Variants in CNTNAP2 observed in about 807,000 individuals in gnomAD.
CNTNAP2 encodes the protein contactin associated protein 2, also known as contactin-associated protein-like 2.
In CNTNAP2, 98 loss-of-function variants were observed where a neutral mutation model predicts 155.2. That is an observed-to-expected ratio of 0.63 (90% CI 0.54 to 0.75). The LOEUF (loss-of-function observed/expected upper bound fraction) is 0.75, where lower values mean the gene tolerates loss of function less well. Among genes scored for constraint, CNTNAP2 ranks in the 30% least tolerant of loss-of-function variants. CNTNAP2 has a pLI of 0.00. For missense variants in CNTNAP2, 1,727 were observed against 1,688.1 expected (o/e 1.02, Z -0.40); for synonymous variants, 651 against 631.2 (o/e 1.03, Z -0.47).
intron 1 of CNTNAP2, among the ~76,000 whole-genome samples, chr7:146,299,852 G>T (rs1027635260): frequency 6.6e-6 from 1 of 152,142 alleles, no homozygotes; most frequent in African/African-American, 2.4e-5. Context: ...TTGAAGGTAG[G>T]TGTAAGATTA....
At chr7:147,008,093 G>A (rs1008818440) in intron 3 of CNTNAP2, among the ~76,000 whole-genome samples, 5 of 152,042 alleles carry the variant, frequency 3.3e-5, no homozygotes, top group African/African-American at 1.2e-4. Context: ...GTTTTCAATA[G>A]ACCCAATTAT....
At chr7:147,820,969 A>G (rs1279421246) in intron 13 of CNTNAP2, among the ~76,000 whole-genome samples, 4 of 152,154 alleles carry the variant, frequency 2.6e-5, no homozygotes, top group African/African-American at 9.6e-5. Flanking sequence ...AGAGTGCTGA[A>G]TGGAAAAAAT....
intron 13 of CNTNAP2, among the ~76,000 whole-genome samples, chr7:147,757,422 T>C (rs1296064391): frequency 1.3e-5 from 2 of 152,200 alleles, no homozygotes; most frequent in African/African-American, 4.8e-5. Flanking sequence ...CAAAGCCTGA[T>C]GGATGGCTGC....
chr7:146,238,384 A>G (rs989727072), intron 1 of CNTNAP2, among the ~76,000 whole-genome samples: 2 of 152,202 alleles, frequency 1.3e-5, no homozygotes, highest in Non-Finnish European at 2.9e-5. Context: ...CTAATTTGGC[A>G]TCAGATACGT....
chr7:148,075,039 A>G (rs1803458878), intron 15 of CNTNAP2, among the ~76,000 whole-genome samples: 1 of 152,226 alleles, frequency 6.6e-6, no homozygotes, highest in Admixed American at 6.5e-5. Flanking sequence ...ATGTATTCTA[A>G]AGAATATTTC....
intron 13 of CNTNAP2, among the ~76,000 whole-genome samples, chr7:147,821,366 A>G (rs1798357536): frequency 6.6e-6 from 1 of 152,146 alleles, no homozygotes; most frequent in Non-Finnish European, 1.5e-5. Flanking sequence ...CTTGACAAAT[A>G]TTTATTAAGT....
At chr7:147,500,593 A>G (rs1251607047) in intron 11 of CNTNAP2, among the ~76,000 whole-genome samples, 1 of 152,148 alleles carries the variant, frequency 6.6e-6, no homozygotes, top group East Asian at 1.9e-4. Flanking sequence ...ATTTGGGGCA[A>G]CTAAACTGTA....
chr7:147,539,033 T>C (rs111646873), intron 11 of CNTNAP2, among the ~76,000 whole-genome samples: 110 of 152,276 alleles, frequency 7.2e-4, no homozygotes, highest in Non-Finnish European at 1.4e-3. Context: ...AATGTTGTTT[T>C]TAGGTTATCT....
chr7:147,756,255 G>T (rs2116511340), intron 13 of CNTNAP2, among the ~76,000 whole-genome samples: 1 of 152,226 alleles, frequency 6.6e-6, no homozygotes, highest in South Asian at 2.1e-4. Flanking sequence ...GAATTCTTTT[G>T]GTAGTCTTAG....
At chr7:146,920,856 A>G (rs1796484656) in intron 3 of CNTNAP2, among the ~76,000 whole-genome samples, 1 of 152,220 alleles carries the variant, frequency 6.6e-6, no homozygotes, top group Non-Finnish European at 1.5e-5. Context: ...TAAAAGTGAC[A>G]TAAATGCCAG....
chr7:147,632,367 G>A (rs1235840604), intron 12 of CNTNAP2, among the ~76,000 whole-genome samples: 1 of 152,092 alleles, frequency 6.6e-6, no homozygotes, highest in African/African-American at 2.4e-5. Flanking sequence ...GTTGCGGGAG[G>A]GACCAGGTAG....
At chr7:147,065,622 A>G in intron 4 of CNTNAP2, among the ~76,000 whole-genome samples, 1 of 152,162 alleles carries the variant, frequency 6.6e-6, no homozygotes, top group East Asian at 1.9e-4. Context: ...TGTCACTTAT[A>G]TGTTCAGTTT....
chr7:146,218,378 G>A (rs534405506), intron 1 of CNTNAP2, among the ~76,000 whole-genome samples: 48 of 152,090 alleles, frequency 3.2e-4, no homozygotes, highest in Admixed American at 1.2e-3. Context: ...GCGTGGTGGC[G>A]GGCGCCCGTA....
chr7:148,337,207 C>T (rs1798135684), intron 21 of CNTNAP2, among the ~76,000 whole-genome samples: 1 of 152,096 alleles, frequency 6.6e-6, no homozygotes, highest in African/African-American at 2.4e-5. Context: ...GAGGCCCCTG[C>T]TGCTCCCCCT....
chr7:146,385,613 CA>C (rs1383815831), intron 1 of CNTNAP2, among the ~76,000 whole-genome samples: 1 of 152,200 alleles, frequency 6.6e-6, no homozygotes, highest in Non-Finnish European at 1.5e-5. Flanking sequence ...TTGATCTTCT[CA>C]CCTAAATTCC....
At chr7:148,068,209 G>A (rs543240640) in intron 15 of CNTNAP2, among the ~76,000 whole-genome samples, 1 of 151,312 alleles carries the variant, frequency 6.6e-6, no homozygotes, top group Non-Finnish European at 1.5e-5. Context: ...ATTCATATTT[G>A]GTCAAAATTA....
intron 8 of CNTNAP2, among the ~76,000 whole-genome samples, chr7:147,294,366 T>G (rs1365716713): frequency 6.6e-6 from 1 of 152,222 alleles, no homozygotes; most frequent in Non-Finnish European, 1.5e-5. Flanking sequence ...AACTTTAATG[T>G]CAGTGTCTTT....
chr7:146,202,260 A>T (rs73739533), intron 1 of CNTNAP2, among the ~76,000 whole-genome samples: 1,569 of 152,202 alleles, frequency 0.01, 25 homozygotes, highest in African/African-American at 0.036. Flanking sequence ...AGAGTTTTTT[A>T]CTGGTCTCTA....
rs1050451424 is a variant in CNTNAP2, at chr7:147,594,909, G to C, written c.1897+32652G>C. Among the ~76,000 whole-genome samples the C allele has an allele frequency of 9.9e-5, 15 of 152,112 alleles. No individual in the cohort carries two copies. In the East Asian group the frequency reaches 2.1e-3, roughly 22 times the overall value. The stretch of plus-strand genomic sequence containing the variant: ...ATTAATGGTATACAAGAGAGAAAGC[G>C]GAAGGAGAGAGAGAAGAGATGGGAG... On this transcript the variant is annotated intron_variant, in intron 12 of 23. Coordinates refer to ENST00000361727, the MANE Select transcript of CNTNAP2 (RefSeq NM_014141.6).
Sources: allele counts gnomAD v4.1 joint callset (sites outside exome capture counted in the v4.1 genomes callset), GRCh38; gene constraint gnomAD v4.1.1; transcripts MANE v1.5; gene names NCBI Gene and HGNC (gene_info 2026-07-23, HGNC 2026-07-21).